Variants in TMEM114 observed in about 807,000 individuals in gnomAD.
The protein encoded by TMEM114 is claudin-26.
A neutral mutation model predicts 6.2 loss-of-function variants in TMEM114; 6 were observed. The ratio of observed to expected loss-of-function variants is 0.97; its 90% CI spans 0.53 to 1.91. The LOEUF is 1.91. TMEM114 is among the 40% of genes most tolerant of loss of function. The pLI, the probability that TMEM114 is intolerant of heterozygous loss-of-function variation, is 0.01. For synonymous variants in TMEM114, 104 were observed against 73.0 expected (o/e 1.42, Z -2.16); for missense variants, 218 against 158.3 (o/e 1.38, Z -2.02).
At chr16:8,534,193 G>C (rs766879938), downstream of TMEM114, among the ~76,000 whole-genome samples, 1 of 152,178 alleles carries the variant, frequency 6.6e-6, no homozygotes, top group East Asian at 1.9e-4. Context: ...ACAAGGTTTC[G>C]CAGTGTGATG....
At chr16:8,529,450 G>C in the TMEM114 span, among the ~76,000 whole-genome samples, 2 of 152,206 alleles carry the variant, frequency 1.3e-5, no homozygotes, top group Non-Finnish European at 1.5e-5. Context: ...ATTTGTTGAA[G>C]AGAATTGAAT....
chr16:8,556,463 G>T (rs1376043953), intron 2 of TMEM114, among the ~76,000 whole-genome samples: 1 of 152,156 alleles, frequency 6.6e-6, no homozygotes, highest in Non-Finnish European at 1.5e-5. Context: ...TGCATGTACT[G>T]AATGCCACTG....
chr16:8,542,151 G>A (rs904456064), intron 2 of TMEM114, among the ~76,000 whole-genome samples: 1 of 151,746 alleles, frequency 6.6e-6, no homozygotes, highest in Middle Eastern at 3.4e-3. Context: ...GTGGGGGGGG[G>A]TCCCTTGACC....
intron 3 of TMEM114, among the ~76,000 whole-genome samples, chr16:8,571,289 G>A (rs1052379406): frequency 1.3e-5 from 2 of 152,026 alleles, no homozygotes; most frequent in East Asian, 3.9e-4. Flanking sequence ...TCTTGTTTTT[G>A]TGTGTGCTGC....
intron 2 of TMEM114, among the ~76,000 whole-genome samples, chr16:8,547,373 TTTC>T (rs1900702253): frequency 1.5e-5 from 1 of 64,858 alleles, no homozygotes; most frequent in South Asian, 7.1e-4. Context: ...AGAGACGCGC[TTTC>T]TTTCTTTCTT....
chr16:8,582,036 G>A lies in TMEM114; in HGVS notation c.301+7177C>T, dbSNP rs560890169. On this transcript the variant is annotated intron_variant, in intron 2 of 3. Transcript: ENST00000620492. ...ACTCTTGCAATTTGCACCAGGCATC[G>A]TGGGTGGGCTGGTTTTAATTGTCCA... Among the ~76,000 whole-genome samples the A allele has an allele frequency of 2.2e-4, 33 of 152,294 alleles. 1 individual carries two copies. In the South Asian group the frequency reaches 5.0e-3, roughly 23 times the overall value.
chr16:8,540,439 T>A lies in TMEM114; in HGVS notation n.213-2613A>T, dbSNP rs187226198. Among the ~76,000 whole-genome samples, 12 of 152,320 alleles carry A rather than the reference T, an allele frequency of 7.9e-5. No homozygotes were observed. In the East Asian group the frequency reaches 2.1e-3, roughly 27 times the overall value. On this transcript the variant is annotated intron_variant and non_coding_transcript_variant, in intron 2 of 2. Transcript: ENST00000623677. ...TGATTGCATTGAATTCATCAGATTG[T>A]CATAAGTGTTCAATGAAATAATGCA...
chr16:8,541,580 G>A (rs1437619878), intron 2 of TMEM114, among the ~76,000 whole-genome samples: 1 of 149,918 alleles, frequency 6.7e-6, no homozygotes, highest in Non-Finnish European at 1.5e-5. Flanking sequence ...CTTCATTCCA[G>A]TCCCACATCT....
downstream of TMEM114, among the ~76,000 whole-genome samples, chr16:8,535,368 ACATAGATCTC>A (rs1279388792): frequency 1.3e-5 from 2 of 152,032 alleles, no homozygotes; most frequent in African/African-American, 4.8e-5. Flanking sequence ...TCAGAGTGAA[ACATAGATCTC>A]CAGGAACCAG....
chr16:8,539,010 T>C (rs1311803494), intron 2 of TMEM114, among the ~76,000 whole-genome samples: 2 of 152,196 alleles, frequency 1.3e-5, no homozygotes, highest in African/African-American at 4.8e-5. Flanking sequence ...TCAATAAATA[T>C]GTACTCAATA....
At chr16:8,563,164 A>C (rs1567202758) in intron 2 of TMEM114, among the ~76,000 whole-genome samples, 1 of 150,894 alleles carries the variant, frequency 6.6e-6, no homozygotes, top group African/African-American at 2.5e-5. Context: ...TGAGTGAGTG[A>C]GTGAGTAAAT....
chr16:8,552,491 G>A (rs1011285137), intron 2 of TMEM114, among the ~76,000 whole-genome samples: 4 of 149,122 alleles, frequency 2.7e-5, no homozygotes, highest in African/African-American at 9.9e-5. Context: ...ATACATAGCA[G>A]AAATTTGCAC....
At chr16:8,528,332 C>T in the TMEM114 span, among the ~76,000 whole-genome samples, 1 of 152,160 alleles carries the variant, frequency 6.6e-6, no homozygotes, top group Non-Finnish European at 1.5e-5. Flanking sequence ...TCTCACGTCA[C>T]CCCACTCTCC....
chr16:8,559,258 G>T (rs1422983828), intron 2 of TMEM114, among the ~76,000 whole-genome samples: 3 of 151,612 alleles, frequency 2.0e-5, no homozygotes, highest in African/African-American at 7.3e-5. Flanking sequence ...GGCCAGGCTG[G>T]TCTCCAACTC....
chr16:8,534,885 T>C (rs1035162800), downstream of TMEM114, among the ~76,000 whole-genome samples: 7 of 152,220 alleles, frequency 4.6e-5, no homozygotes, highest in African/African-American at 1.2e-4. Flanking sequence ...CCCATTGGGA[T>C]CTTGGGAAGA....
chr16:8,579,830 C>T (rs1224944209), intron 2 of TMEM114, among the ~76,000 whole-genome samples: 1 of 152,098 alleles, frequency 6.6e-6, no homozygotes, highest in East Asian at 1.9e-4. Context: ...AGTGTCAGAG[C>T]TGGAATGAGA....
At chr16:8,539,810 C>T (rs1330633154) in intron 2 of TMEM114, among the ~76,000 whole-genome samples, 9 of 152,038 alleles carry the variant, frequency 5.9e-5, no homozygotes, top group Non-Finnish European at 1.3e-4. Flanking sequence ...CACAAATATG[C>T]TATTTTTTTA....
chr16:8,527,716 T>A, the TMEM114 span, among the ~76,000 whole-genome samples: 1 of 151,744 alleles, frequency 6.6e-6, no homozygotes, highest in Non-Finnish European at 1.5e-5. Flanking sequence ...CTCAGGGAGG[T>A]TTAGTAACTT....
intron 2 of TMEM114, among the ~76,000 whole-genome samples, chr16:8,563,683 A>AAGTGAATGAGTT (rs1567203150): frequency 2.4e-5 from 3 of 127,418 alleles, no homozygotes. Context: ...GTGAATGAGT[A>AAGTGAATGAGTT]AGTGAATGAG....
Sources: gnomAD v4.1 joint callset for allele counts (sites outside exome capture counted in the v4.1 genomes callset) on GRCh38, gnomAD v4.1.1 for gene constraint, MANE v1.5 for transcripts, NCBI Gene and HGNC (gene_info 2026-07-23, HGNC 2026-07-21) for gene names.